KCTD16: variants seen among roughly 807,000 people sequenced by gnomAD.
The protein encoded by KCTD16 is BTB/POZ domain-containing protein KCTD16.
In KCTD16, 13 loss-of-function variants were observed where a neutral mutation model predicts 33.2. The ratio of observed to expected loss-of-function variants is 0.39; its 90% CI spans 0.25 to 0.62. KCTD16 has a LOEUF of 0.62. Among genes scored for constraint, KCTD16 ranks in the 20% least tolerant of loss-of-function variants. KCTD16 has a pLI of 0.50. For missense variants in KCTD16, 441 were observed against 525.1 expected (o/e 0.84, Z 1.57); for synonymous variants, 197 against 195.3 (o/e 1.01, Z -0.07).
intron 3 of KCTD16, among the ~76,000 whole-genome samples, chr5:144,341,000 G>T (rs765135342): frequency 6.6e-6 from 1 of 152,052 alleles, no homozygotes; most frequent in Non-Finnish European, 1.5e-5. Context: ...AGCCGAGATT[G>T]TGGCATTGCA....
At chr5:144,375,252 T>C (rs1447442863) in intron 3 of KCTD16, among the ~76,000 whole-genome samples, 2 of 152,212 alleles carry the variant, frequency 1.3e-5, no homozygotes, top group Non-Finnish European at 2.9e-5. Context: ...TCATGCTCTC[T>C]GGCAAGTGTC....
At chr5:144,231,878 T>C (rs913843423) in intron 3 of KCTD16, among the ~76,000 whole-genome samples, 2 of 152,182 alleles carry the variant, frequency 1.3e-5, no homozygotes, top group Non-Finnish European at 2.9e-5. Flanking sequence ...AATTACCCAG[T>C]CTCAGATATA....
chr5:144,438,808 G>T (rs1300458006), intron 3 of KCTD16, among the ~76,000 whole-genome samples: 1 of 152,160 alleles, frequency 6.6e-6, no homozygotes, highest in Non-Finnish European at 1.5e-5. Flanking sequence ...AAAATCAATA[G>T]TCAAAGCTTG....
chr5:144,480,633 G>C lies in KCTD16; in HGVS notation c.*6519G>C, dbSNP rs146031104. 2.4e-4 allele frequency: 37 copies of C among 151,928 alleles called. No homozygotes were observed. Among genetic ancestry groups the C allele is most frequent in the African/African-American group, 7.0e-4 (29 of 41,494 alleles). 9.4% of individuals were successfully genotyped at this position (151,928 alleles called of 1,614,324 possible). A position where few individuals can be genotyped will look rare whatever the true frequency, so the allele number is the denominator to read the frequency against. On this transcript the variant is annotated 3_prime_UTR_variant, in exon 4 of 4. Coordinates refer to ENST00000512467, the MANE Select transcript of KCTD16 (RefSeq NM_020768.4). ...AAGGCCGTGGCTCTCAACCAGGAGT[G>C]GTTTTGCATACCAGAGATCTTTTGG...
intron 3 of KCTD16, among the ~76,000 whole-genome samples, chr5:144,405,492 C>T (rs1371064514): frequency 6.6e-6 from 1 of 152,160 alleles, no homozygotes. Context: ...GAGATGGAGA[C>T]CTGCCAGTAA....
At chr5:144,274,032 T>G (rs1261152783) in intron 3 of KCTD16, among the ~76,000 whole-genome samples, 1 of 150,278 alleles carries the variant, frequency 6.7e-6, no homozygotes, top group Non-Finnish European at 1.5e-5. Flanking sequence ...CATATTATAT[T>G]AAAATATAAT....
chr5:144,467,839 T>C lies in KCTD16; in HGVS notation c.833-5821T>C, dbSNP rs74912324. Among the ~76,000 whole-genome samples the C allele has an allele frequency of 3.3e-3, 499 of 152,236 alleles. 4 individuals are homozygous for C. Among genetic ancestry groups the C allele is most frequent in the African/African-American group, 0.011 (445 of 41,550 alleles). On this transcript the variant is annotated intron_variant, in intron 3 of 3. Transcript: ENST00000512467. ...GGTTATTAAGGTGTTGTCTCTCAGC[T>C]CCAAACACACCCCTTTATACTCTAT...
At position 144,352,523 on chromosome 5, in the gene KCTD16, A is replaced by G. The variant is rs536431303; in HGVS notation, c.833-121137A>G. Among the ~76,000 whole-genome samples the G allele has an allele frequency of 1.1e-3, 173 of 152,302 alleles. 2 individuals carry two copies. Among genetic ancestry groups the G allele is most frequent in the Non-Finnish European group, 1.9e-3 (129 of 68,022 alleles). On this transcript the variant is annotated intron_variant, in intron 3 of 3. Transcript: ENST00000512467. The stretch of plus-strand genomic sequence containing the variant: ...GCTACTTGGAAAAGAGTTTCATTCC[A>G]GCTTGTCTGCCCTGGAACTCTTTGT...
chr5:144,361,700 A>G (rs1751716788), intron 3 of KCTD16, among the ~76,000 whole-genome samples: 1 of 152,198 alleles, frequency 6.6e-6, no homozygotes, highest in Admixed American at 6.6e-5. Context: ...TTTACTCAGG[A>G]TATCTTTATG....
At chr5:144,426,103 G>A (rs1753322888) in intron 3 of KCTD16, among the ~76,000 whole-genome samples, 1 of 152,138 alleles carries the variant, frequency 6.6e-6, no homozygotes, top group African/African-American at 2.4e-5. Context: ...GCTAAAACCA[G>A]CCACACAGCA....
At chr5:144,325,739 T>C (rs534395861) in intron 3 of KCTD16, among the ~76,000 whole-genome samples, 9 of 152,242 alleles carry the variant, frequency 5.9e-5, no homozygotes, top group Non-Finnish European at 1.5e-5. Context: ...GCACCAGTAC[T>C]TTCCCCAGCA....
intron 3 of KCTD16, among the ~76,000 whole-genome samples, chr5:144,383,529 G>T (rs1752260062): frequency 7.7e-6 from 1 of 130,258 alleles, no homozygotes; most frequent in African/African-American, 3.0e-5. Context: ...AGGCAAAAAG[G>T]CCCTAGAGGG....
intron 3 of KCTD16, among the ~76,000 whole-genome samples, chr5:144,391,816 C>T (rs529448030): frequency 6.6e-6 from 1 of 152,328 alleles, no homozygotes; most frequent in East Asian, 1.9e-4. Context: ...ACCAGATCAG[C>T]TGCTTTCTGC....
intron 3 of KCTD16, among the ~76,000 whole-genome samples, chr5:144,393,172 T>C (rs988841188): frequency 6.6e-6 from 1 of 152,172 alleles, no homozygotes; most frequent in Non-Finnish European, 1.5e-5. Flanking sequence ...TCATCACTGT[T>C]GCCCCTACAT....
intron 3 of KCTD16, among the ~76,000 whole-genome samples, chr5:144,293,134 ACT>A (rs1458952136): frequency 6.6e-6 from 1 of 151,892 alleles, no homozygotes. Flanking sequence ...CTCTAAGGCT[ACT>A]CTCTGACTGA....
chr5:144,326,077 A>T (rs957665097), intron 3 of KCTD16, among the ~76,000 whole-genome samples: 5 of 152,178 alleles, frequency 3.3e-5, no homozygotes, highest in African/African-American at 1.2e-4. Flanking sequence ...AAAATGTAAA[A>T]TGTCTTGTTT....
intron 3 of KCTD16, among the ~76,000 whole-genome samples, chr5:144,222,730 G>A (rs768068289): frequency 1.2e-4 from 19 of 152,208 alleles, no homozygotes; most frequent in Non-Finnish European, 2.4e-4. Flanking sequence ...GGAAGACAGC[G>A]TAGCGATTCC....
intron 3 of KCTD16, among the ~76,000 whole-genome samples, chr5:144,303,367 A>T (rs566188343): frequency 1.1e-3 from 164 of 152,298 alleles, no homozygotes; most frequent in Admixed American, 2.6e-3. Flanking sequence ...GGCTTGTGAG[A>T]TCTCTGTAAA....
At chr5:144,185,817 T>A (rs1200386269) in intron 2 of KCTD16, among the ~76,000 whole-genome samples, 1 of 152,136 alleles carries the variant, frequency 6.6e-6, no homozygotes, top group African/African-American at 2.4e-5. Context: ...TAACAATAGG[T>A]AACATCAATT....
Sources: allele counts gnomAD v4.1 joint callset (sites outside exome capture counted in the v4.1 genomes callset), GRCh38; gene constraint gnomAD v4.1.1; transcripts MANE v1.5; gene names NCBI Gene and HGNC (gene_info 2026-07-23, HGNC 2026-07-21).